The following NID2 variants were observed in gnomAD, a reference collection of about 807,000 sequenced individuals.
NID2 encodes nidogen 2.
In NID2, 83 loss-of-function variants were observed where a neutral mutation model predicts 145.4. The ratio of observed to expected loss-of-function variants is 0.57; its 90% CI spans 0.48 to 0.69. NID2 has a LOEUF of 0.69. NID2 is among the 30% of genes least tolerant of loss of function. The pLI, the probability that NID2 is intolerant of heterozygous loss-of-function variation, is 0.00. For missense variants in NID2, 1,807 were observed against 1,765.7 expected (o/e 1.02, Z -0.42); for synonymous variants, 739 against 701.3 (o/e 1.05, Z -0.85).
intron 2 of NID2, among the ~76,000 whole-genome samples, chr14:52,062,402 T>C (rs183375717): frequency 6.6e-6 from 1 of 152,318 alleles, no homozygotes; most frequent in African/African-American, 2.4e-5. Context: ...TTAGAGCTTC[T>C]CAATACTAGG....
In NID2 at chr14:52,005,188, T is replaced by TTTGATCTTTTAAATATTAA. The variant is rs1183489879; in HGVS notation, c.*279_*297dup. 8 of 273,454 alleles carry TTTGATCTTTTAAATATTAA rather than the reference T, an allele frequency of 2.9e-5. No homozygotes were observed. Among genetic ancestry groups the TTTGATCTTTTAAATATTAA allele is most frequent in the Admixed American group, 2.9e-4 (6 of 20,558 alleles). 16.9% of individuals were successfully genotyped at this position (273,454 alleles called of 1,614,324 possible). ...AAACTCTAATTCTTAGTTGAATGAATTTGATCTTTTAAATATTAATGATAA... is the reference window on the plus strand; with the variant it reads ...AAACTCTAATTCTTAGTTGAATGAATTTGATCTTTTAAATATTAATTGATCTTTTAAATATTAATGATAA... On this transcript the variant is annotated 3_prime_UTR_variant, in exon 22 of 22. Transcript: ENST00000216286.
intron 3 of NID2, among the ~76,000 whole-genome samples, chr14:52,056,253 G>T (rs1408293614): frequency 1.3e-5 from 2 of 152,036 alleles, no homozygotes; most frequent in African/African-American, 2.4e-5. Flanking sequence ...GAAAAATACA[G>T]ATTATGGCCA....
chr14:52,011,940 T>C (rs924185), intron 16 of NID2: 39,021 of 392,390 alleles, frequency 0.099, 2,218 homozygotes, highest in African/African-American at 0.12. Context: ...ACCTGCCTCA[T>C]ATGGTTGCTA....
chr14:52,060,401 A>G lies in NID2; in HGVS notation c.535-45T>C, dbSNP rs371405973. On this transcript the variant is annotated intron_variant, in intron 2 of 21. Coordinates refer to ENST00000216286, the MANE Select transcript of NID2 (RefSeq NM_007361.4). ...AAAAGAGAGAGAGAGAGAGAGAAAC[A>G]TCCTGTAAAAAACAAATAAAAGAAG... 11 of 1,062,414 alleles carry G rather than the reference A, an allele frequency of 1.0e-5. No homozygotes were observed. The African/African-American group carries it at 1.8e-4, about 17-fold the overall frequency. The allele number at this position is 1,062,414 out of a possible 1,614,324, so 65.8% of individuals were successfully genotyped here. A position where few individuals can be genotyped will look rare whatever the true frequency, so the allele number is the denominator to read the frequency against.
chr14:52,031,244 G>A (rs1055298761), intron 9 of NID2, among the ~76,000 whole-genome samples: 2 of 152,188 alleles, frequency 1.3e-5, no homozygotes, highest in African/African-American at 4.8e-5. Context: ...AGTCTGCCAT[G>A]TAAAATGGAA....
rs1890691354 is a variant in NID2 at position 52,004,822 on chromosome 14, C to G, written c.*664G>C. 1 of 225,070 alleles carries G rather than the reference C, an allele frequency of 4.4e-6. No individual in the cohort carries two copies. The highest frequency in any genetic ancestry group is 8.6e-6 in the Non-Finnish European group (1 of 116,672). 13.9% of individuals were successfully genotyped at this position (225,070 alleles called of 1,614,324 possible). A position where few individuals can be genotyped will look rare whatever the true frequency, so the allele number is the denominator to read the frequency against. ...TTAAGTCATAGGAAAACTTAAAACA[C>G]TTTATTGGAGTAATCTAGAAAATTT... On this transcript the variant is annotated 3_prime_UTR_variant, in exon 22 of 22. Coordinates refer to ENST00000216286, the MANE Select transcript of NID2 (RefSeq NM_007361.4).
intron 21 of NID2, 78 bp downstream of exon 21, chr14:52,005,659 G>T: frequency 7.2e-7 from 1 of 1,382,268 alleles, no homozygotes; most frequent in Non-Finnish European, 1.0e-6. Context: ...GTCACAGGCA[G>T]CAGGGGTAAT....
intron 12 of NID2, among the ~76,000 whole-genome samples, chr14:52,022,818 G>A (rs779150208): frequency 8.5e-5 from 13 of 152,192 alleles, no homozygotes; most frequent in South Asian, 2.1e-4. Flanking sequence ...CCCTGGCCTC[G>A]AGTTCCCCCA....
chr14:52,044,197 G>T (rs1892391449), intron 5 of NID2, among the ~76,000 whole-genome samples: 1 of 150,094 alleles, frequency 6.7e-6, no homozygotes, highest in African/African-American at 2.5e-5. Flanking sequence ...ACCTCCATCA[G>T]CAAATAAAAA....
intron 5 of NID2, 24 bp downstream of exon 5, chr14:52,053,555 C>A: frequency 1.3e-6 from 2 of 1,593,864 alleles, no homozygotes; most frequent in Middle Eastern, 1.7e-4. Flanking sequence ...GAAACCTTAG[C>A]ACCCAGTTTT....
intron 9 of NID2, among the ~76,000 whole-genome samples, chr14:52,033,461 G>GT (rs1891945430): frequency 6.6e-6 from 1 of 151,750 alleles, no homozygotes. Flanking sequence ...CAAACAACTG[G>GT]TGGGGGGTGG....
intron 15 of NID2, among the ~76,000 whole-genome samples, chr14:52,014,669 G>A (rs371551840): frequency 6.6e-6 from 1 of 151,538 alleles, no homozygotes; most frequent in African/African-American, 2.4e-5. Context: ...TAGGGAAGAA[G>A]ACAGCAAAAC....
chr14:52,007,699 AC>A, intron 19 of NID2, 110 bp downstream of exon 19: 1 of 1,001,250 alleles, frequency 1.0e-6, no homozygotes, highest in Non-Finnish European at 1.5e-6. Context: ...AAGTTTACAG[AC>A]CAAAGAAAGG....
chr14:52,035,878 A>ATATATATATATATATTTATATT (rs58318209), intron 9 of NID2, among the ~76,000 whole-genome samples: 2 of 135,194 alleles, frequency 1.5e-5, no homozygotes, highest in African/African-American at 5.6e-5. Flanking sequence ...ATATATATAT[A>ATATATATATATATATTTATATT]TGTTTTATTT....
Position 52,005,435 on chromosome 14 carries a change from A to G in NID2, c.*51T>C, listed in dbSNP as rs779621229. 6.6e-7 allele frequency: 1 copy of G among 1,515,406 alleles called. No homozygotes were observed. The highest frequency in any genetic ancestry group is 1.4e-5 in the South Asian group (1 of 71,818). 93.9% of individuals were successfully genotyped at this position (1,515,406 alleles called of 1,614,324 possible). On this transcript the variant is annotated 3_prime_UTR_variant, in exon 22 of 22. Transcript: ENST00000216286. ...TTTGCCTTTGCAGTCACTGTTCTTT[A>G]GGGTCCAGGTTCTGATTGTAAACTC... is the stretch of plus-strand genomic sequence containing the variant.
At chr14:52,051,078 C>T (rs1892663703) in intron 5 of NID2, among the ~76,000 whole-genome samples, 1 of 152,150 alleles carries the variant, frequency 6.6e-6, no homozygotes, top group Non-Finnish European at 1.5e-5. Context: ...GTTCTGTGGC[C>T]TAGGAAGACA....
In NID2 at chr14:52,053,583, G is replaced by A. The variant is rs369077294; in HGVS notation, c.1425C>T (p.Thr475=). ...VGLEDNIGSN[T]EVFTYNAANK... is the part of the protein sequence containing the mutation. ...CCAGTTTTCTAATGCACTCACCCTC[G>A]GTGTTGGAACCTATGTTGTCTTCCA... The change falls in exon 5 of 22, where the codon ACC becomes ACT. Residue 475 remains threonine (T), a synonymous_variant. Coordinates refer to ENST00000216286, the MANE Select transcript of NID2 (RefSeq NM_007361.4). 17 of 1,611,106 alleles carry A rather than the reference G, an allele frequency of 1.1e-5. No individual in the cohort carries two copies. Among genetic ancestry groups the A allele is most frequent in the South Asian group, 5.5e-5 (5 of 90,752 alleles).
chr14:52,056,798 AT>A (rs549544233), intron 3 of NID2, among the ~76,000 whole-genome samples: 23 of 152,346 alleles, frequency 1.5e-4, no homozygotes, highest in African/African-American at 5.5e-4. Flanking sequence ...TCTCAAAAAA[AT>A]AAATAAATAA....
At chr14:52,038,638 G>T in intron 9 of NID2, 109 bp downstream of exon 9, 3 of 802,028 alleles carry the variant, frequency 3.7e-6, no homozygotes, top group South Asian at 2.1e-5. Context: ...CTTATACCTA[G>T]CACATAACAC....
Sources: gnomAD v4.1 joint callset for allele counts (sites outside exome capture counted in the v4.1 genomes callset) on GRCh38, gnomAD v4.1.1 for gene constraint, MANE v1.5 for transcripts, NCBI Gene and HGNC (gene_info 2026-07-23, HGNC 2026-07-21) for gene names.